TSHZ2: variants seen among roughly 807,000 people sequenced by gnomAD.
TSHZ2 encodes the protein teashirt homolog 2.
TSHZ2 carries 21 observed loss-of-function variants against 74.4 expected under a neutral mutation model. The ratio of observed to expected loss-of-function variants is 0.28; its 90% CI spans 0.20 to 0.41. The LOEUF (loss-of-function observed/expected upper bound fraction) is 0.41. Ranked by LOEUF, TSHZ2 falls within the 10% of genes least tolerant of loss-of-function variation. The pLI is 1.00. For missense variants in TSHZ2, 1,244 were observed against 1,293.5 expected, an observed-to-expected ratio of 0.96 and a Z score of 0.59; for synonymous variants, 540 against 515.3, an observed-to-expected ratio of 1.05 and a Z score of -0.65.
intron 1 of TSHZ2, among the ~76,000 whole-genome samples, chr20:53,087,786 G>A (rs1985744343): frequency 1.3e-5 from 2 of 152,214 alleles, no homozygotes; most frequent in Admixed American, 1.3e-4. Flanking sequence ...TGGCTGTGTA[G>A]TACCTCTGCT....
intron 2 of TSHZ2, among the ~76,000 whole-genome samples, chr20:53,436,536 A>ATTTTTTTTTTTTTTTTTTTT: frequency 1.2e-5 from 1 of 83,564 alleles, no homozygotes; most frequent in Non-Finnish European, 2.3e-5. Flanking sequence ...TATTATTATT[A>ATTTTTTTTTTTTTTTTTTTT]TTATTATTAT....
intron 1 of TSHZ2, among the ~76,000 whole-genome samples, chr20:53,083,962 TTTA>T (rs1480321791): frequency 2.8e-4 from 42 of 152,152 alleles, no homozygotes; most frequent in Admixed American, 1.6e-3. Flanking sequence ...ATAAGCCTTC[TTTA>T]TTATTGTTTA....
chr20:53,333,077 A>G (rs1164177127), intron 2 of TSHZ2, among the ~76,000 whole-genome samples: 3 of 152,186 alleles, frequency 2.0e-5, no homozygotes, highest in African/African-American at 7.2e-5. Flanking sequence ...CTTCTATCCC[A>G]TAAGCTCCAT....
chr20:53,452,828 TTG>T (rs1336049761), intron 2 of TSHZ2, among the ~76,000 whole-genome samples: 1 of 152,194 alleles, frequency 6.6e-6, no homozygotes, highest in African/African-American at 2.4e-5. Context: ...TGCCTGTTGT[TTG>T]TGTTTTTCTC....
intron 2 of TSHZ2, chr20:53,397,650 C>A (rs1982501750): frequency 6.6e-6 from 1 of 152,324 alleles, no homozygotes; most frequent in Admixed American, 6.5e-5. Context: ...GATTATAAAT[C>A]ATGCTGCTAT....
intron 1 of TSHZ2, among the ~76,000 whole-genome samples, chr20:53,083,990 A>G (rs1385222617): frequency 2.0e-5 from 3 of 152,022 alleles, no homozygotes; most frequent in Admixed American, 2.0e-4. Flanking sequence ...TCTCTGATTT[A>G]AAAAAACTAA....
At chr20:53,088,386 C>G (rs1454122269) in intron 1 of TSHZ2, among the ~76,000 whole-genome samples, 1 of 152,088 alleles carries the variant, frequency 6.6e-6, no homozygotes. Context: ...TTGTTGGGTA[C>G]TATGGAGGGA....
chr20:53,453,539 G>A (rs117999360), intron 2 of TSHZ2, among the ~76,000 whole-genome samples: 90 of 152,258 alleles, frequency 5.9e-4, no homozygotes, highest in Non-Finnish European at 1.0e-3. Context: ...GCTCCATCGT[G>A]TGATTGTGTG....
At chr20:53,425,573 T>C (rs1983626866) in intron 2 of TSHZ2, among the ~76,000 whole-genome samples, 2 of 152,208 alleles carry the variant, frequency 1.3e-5, no homozygotes, top group South Asian at 4.1e-4. Context: ...CTCTCCGTGA[T>C]GATATAAAAC....
At chr20:53,361,822 C>T (rs1215897370) in intron 2 of TSHZ2, among the ~76,000 whole-genome samples, 2 of 152,180 alleles carry the variant, frequency 1.3e-5, no homozygotes, top group African/African-American at 4.8e-5. Context: ...GCAGGTGAAA[C>T]ATTGGTTTCT....
At chr20:53,213,794 C>T (rs917072040) in intron 1 of TSHZ2, among the ~76,000 whole-genome samples, 3 of 150,556 alleles carry the variant, frequency 2.0e-5, no homozygotes, top group Non-Finnish European at 2.9e-5. Context: ...CTTTATAAAA[C>T]AAAGCCATTA....
chr20:52,996,183 A>G (rs1456239214), intron 1 of TSHZ2, among the ~76,000 whole-genome samples: 1 of 152,024 alleles, frequency 6.6e-6, no homozygotes, highest in Non-Finnish European at 1.5e-5. Context: ...TATAAAATGG[A>G]AGTGGGGTAA....
At chr20:53,092,103 G>A (rs1278102612) in intron 1 of TSHZ2, among the ~76,000 whole-genome samples, 4 of 152,024 alleles carry the variant, frequency 2.6e-5, no homozygotes, top group African/African-American at 4.8e-5. Flanking sequence ...GGTTTTGGAA[G>A]AAACTACTGA....
Position 53,475,296 on chromosome 20 carries a change from A to G in TSHZ2, c.*9-11848A>G, listed in dbSNP as rs1157365861. 8.6e-4 allele frequency among the ~76,000 whole-genome samples: 87 copies of G among 101,204 alleles called. 1 individual carries two copies. Among genetic ancestry groups the G allele is most frequent in the East Asian group, 1.4e-3 (4 of 2,902 alleles). 66.4% of individuals were successfully genotyped at this position (101,204 alleles called of 152,430 possible). On this transcript the variant is annotated intron_variant, in intron 2 of 2. Coordinates refer to ENST00000371497, the MANE Select transcript of TSHZ2 (RefSeq NM_173485.6). ...CAGCAAATGTAAAAGAACAGAAATT[A>G]TAACAAACTATCTCTCAGACCACAG...
chr20:53,420,091 G>A (rs1370678993), intron 2 of TSHZ2, among the ~76,000 whole-genome samples: 9 of 152,258 alleles, frequency 5.9e-5, no homozygotes, highest in East Asian at 1.9e-4. Context: ...ACAGATGGAC[G>A]TAAATGCTGC....
In TSHZ2 at chr20:53,371,470, C is replaced by T. The variant is rs1198954407; in HGVS notation, c.*8+114899C>T. On this transcript the variant is annotated intron_variant, in intron 2 of 2. Coordinates refer to ENST00000371497, the MANE Select transcript of TSHZ2 (RefSeq NM_173485.6). ...TTCTAGTCTTCAGAACAGTGTTAGG[C>T]GGTGTATTTGTTTCCTGGGATGGCT... Among the ~76,000 whole-genome samples, 9 of 152,304 alleles carry T rather than the reference C, an allele frequency of 5.9e-5. No individual in the cohort carries two copies. In the South Asian group the frequency reaches 1.0e-3, roughly 18 times the overall value.
At chr20:53,066,757 C>A (rs1985003041) in intron 1 of TSHZ2, among the ~76,000 whole-genome samples, 1 of 152,198 alleles carries the variant, frequency 6.6e-6, no homozygotes, top group Non-Finnish European at 1.5e-5. Flanking sequence ...CTGCCCGCCT[C>A]GGCCTCCCAA....
At chr20:53,140,858 T>A (rs1451407364) in intron 1 of TSHZ2, among the ~76,000 whole-genome samples, 1 of 151,924 alleles carries the variant, frequency 6.6e-6, no homozygotes, top group Admixed American at 6.6e-5. Context: ...AGGGAAGGGG[T>A]GAGTTGAGGG....
intron 1 of TSHZ2, among the ~76,000 whole-genome samples, chr20:53,069,688 C>G (rs1396220352): frequency 8.3e-6 from 1 of 120,682 alleles, no homozygotes; most frequent in Non-Finnish European, 1.9e-5. Flanking sequence ...CACACACACA[C>G]ACACACACAC....
Sources: gnomAD v4.1 joint callset for allele counts (sites outside exome capture counted in the v4.1 genomes callset) on GRCh38, gnomAD v4.1.1 for gene constraint, MANE v1.5 for transcripts, NCBI Gene and HGNC (gene_info 2026-07-23, HGNC 2026-07-21) for gene names.